The following PACSIN1 variants were observed in gnomAD, a reference collection of about 807,000 sequenced individuals.
PACSIN1 encodes protein kinase C and casein kinase substrate in neurons protein 1.
Under a neutral mutation model 59.5 loss-of-function variants are expected in PACSIN1, and 15 were observed. That is an observed-to-expected ratio of 0.25 (90% CI 0.17 to 0.39). The LOEUF (loss-of-function observed/expected upper bound fraction) is 0.39. PACSIN1 is among the 10% of genes least tolerant of loss of function. The pLI is 1.00. For missense variants in PACSIN1, 420 were observed against 580.2 expected (o/e 0.72, Z 2.84); for synonymous variants, 210 against 220.6 (o/e 0.95, Z 0.42).
Position 34,504,280 on chromosome 6 carries a change from ATATATATATAT to A in PACSIN1, c.-63-21961_-63-21951del, listed in dbSNP as rs1305932525. Among the ~76,000 whole-genome samples the A allele has an allele frequency of 1.2e-4, 10 of 84,006 alleles. No individual in the cohort carries two copies. In the South Asian group the frequency reaches 1.6e-3, roughly 13 times the overall value. The allele number at this position is 84,006 out of a possible 152,430, so 55.1% of individuals were successfully genotyped here. On this transcript the variant is annotated intron_variant, in intron 1 of 9. Coordinates refer to ENST00000244458, the MANE Select transcript of PACSIN1 (RefSeq NM_020804.5). ...TGTGTGTGTGTGTGTGTATATATAT[ATATATATATAT>A]TTTTTTTTTTTTTTTTTTAAACGGA... is the stretch of plus-strand genomic sequence containing the variant.
chr6:34,474,662 C>T (rs534853922), intron 1 of PACSIN1, among the ~76,000 whole-genome samples: 1 of 151,964 alleles, frequency 6.6e-6, no homozygotes, highest in East Asian at 1.9e-4. Flanking sequence ...TGATGGCACA[C>T]ACCTGTAGTC....
chr6:34,520,256 C>T lies in PACSIN1; in HGVS notation c.-63-5987C>T, dbSNP rs3800467. Among the ~76,000 whole-genome samples the T allele has an allele frequency of 7.9e-5, 12 of 152,328 alleles. No homozygotes were observed. In the East Asian group the frequency reaches 2.3e-3, roughly 29 times the overall value. ...TCCCTGTGTGGCCCCAAGCCAGGCG[C>T]TGTGAGCCTGTCGGTCTATCTCTGG... On this transcript the variant is annotated intron_variant, in intron 1 of 9. Transcript: ENST00000244458.
rs1331529275 is a variant in PACSIN1 at position 34,531,891 on chromosome 6, G to A, written c.1225+104G>A. ...GAGAGAGAAGCTTGGGTCTGGATTG[G>A]GTGTGTGGTGGTGCAGGGGCGGTGC... On this transcript the variant is annotated intron_variant, in intron 9 of 9. Coordinates refer to ENST00000244458, the MANE Select transcript of PACSIN1 (RefSeq NM_020804.5). This position sits in a 1 kb window ranked among gnomAD's most constrained non-coding sequence, Gnocchi z 4.4. 5.5e-6 allele frequency: 6 copies of A among 1,085,812 alleles called. No homozygotes were observed. The highest frequency in any genetic ancestry group is 7.9e-6 in the Non-Finnish European group (6 of 759,510). The allele number at this position is 1,085,812 out of a possible 1,614,324, so 67.3% of individuals were successfully genotyped here. A position where few individuals can be genotyped will look rare whatever the true frequency, so the allele number is the denominator to read the frequency against.
rs1230795707 is a variant in PACSIN1, at chr6:34,521,618, C to T, written c.-63-4625C>T. 6.6e-6 allele frequency among the ~76,000 whole-genome samples: 1 copy of T among 152,198 alleles called. No homozygotes were observed. The highest frequency in any genetic ancestry group is 2.4e-5 in the African/African-American group (1 of 41,448). ...CACCCCCCAGTCTGCACTTCACAGG[C>T]TGCATCATCCTCATGGACAAGAAAG... is the stretch of plus-strand genomic sequence containing the variant. On this transcript the variant is annotated intron_variant, in intron 1 of 9. Transcript: ENST00000244458. The surrounding 1 kb of genome is among the most constrained non-coding windows in gnomAD (Gnocchi z 4.3).
intron 1 of PACSIN1, among the ~76,000 whole-genome samples, chr6:34,504,308 TTA>T: frequency 1.7e-5 from 2 of 117,924 alleles, no homozygotes; most frequent in Non-Finnish European, 3.5e-5. Flanking sequence ...TTTTTTTTTT[TTA>T]AACGGAGTTT....
intron 1 of PACSIN1, among the ~76,000 whole-genome samples, chr6:34,503,850 T>C (rs1767064557): frequency 6.6e-6 from 1 of 152,190 alleles, no homozygotes; most frequent in African/African-American, 2.4e-5. Flanking sequence ...GCCACCCGGA[T>C]CAGAATAGAA....
chr6:34,490,777 C>G (rs1219541501), intron 1 of PACSIN1, among the ~76,000 whole-genome samples: 2 of 150,696 alleles, frequency 1.3e-5, no homozygotes, highest in African/African-American at 5.0e-5. Flanking sequence ...CCAAGCATGC[C>G]CCCCTTCTCC....
intron 1 of PACSIN1, among the ~76,000 whole-genome samples, chr6:34,494,026 A>G (rs560713313): frequency 3.9e-4 from 59 of 152,352 alleles, no homozygotes; most frequent in Non-Finnish European, 6.9e-4. Flanking sequence ...TATCAGCTCT[A>G]TTTGACAGAA....
At chr6:34,513,954 A>G (rs985110949) in intron 1 of PACSIN1, among the ~76,000 whole-genome samples, 4 of 152,096 alleles carry the variant, frequency 2.6e-5, no homozygotes, top group African/African-American at 9.7e-5. Flanking sequence ...TGTGTGCCGC[A>G]CTGAGTTTGT....
intron 1 of PACSIN1, among the ~76,000 whole-genome samples, chr6:34,494,187 G>A (rs548514226): frequency 1.8e-3 from 279 of 152,218 alleles, no homozygotes; most frequent in African/African-American, 6.2e-3. Flanking sequence ...CCTTTAGAAA[G>A]CAACTCAGGC....
intron 1 of PACSIN1, among the ~76,000 whole-genome samples, chr6:34,501,782 G>C (rs953361507): frequency 2.0e-5 from 3 of 152,116 alleles, no homozygotes; most frequent in African/African-American, 7.2e-5. Context: ...CTGTAATCCA[G>C]CACTTTGGGA....
Position 34,508,761 on chromosome 6 carries a change from T to G in PACSIN1, c.-63-17482T>G, listed in dbSNP as rs558687243. Among the ~76,000 whole-genome samples, 201 of 152,350 alleles carry G rather than the reference T, an allele frequency of 1.3e-3. 3 individuals are homozygous for G. The highest frequency in any genetic ancestry group is 2.0e-3 in the Non-Finnish European group (139 of 68,030). On this transcript the variant is annotated intron_variant, in intron 1 of 9. Coordinates refer to ENST00000244458, the MANE Select transcript of PACSIN1 (RefSeq NM_020804.5). The stretch of plus-strand genomic sequence containing the variant: ...TCTCATTGTGGTTTTGATTTGCCTT[T>G]CCACAATGATTAGTGATGTTGAGCA...
intron 1 of PACSIN1, among the ~76,000 whole-genome samples, chr6:34,522,942 A>T (rs1767420043): frequency 6.6e-6 from 1 of 152,158 alleles, no homozygotes; most frequent in Non-Finnish European, 1.5e-5. Context: ...GTGCCCGCCC[A>T]CATTGCATGA....
chr6:34,480,954 A>G (rs1360695635), intron 1 of PACSIN1, among the ~76,000 whole-genome samples: 1 of 143,380 alleles, frequency 7.0e-6, no homozygotes, highest in Non-Finnish European at 1.5e-5. Context: ...ATCATTATGG[A>G]TTTTTATAAA....
rs1767331164 is a variant in PACSIN1 at position 34,518,448 on chromosome 6, C to T, written c.-63-7795C>T. Among the ~76,000 whole-genome samples the T allele has an allele frequency of 6.6e-6, 1 of 152,214 alleles. No individual in the cohort carries two copies. Among genetic ancestry groups the T allele is most frequent in the South Asian group, 2.1e-4 (1 of 4,824 alleles). On this transcript the variant is annotated intron_variant, in intron 1 of 9. Coordinates refer to ENST00000244458, the MANE Select transcript of PACSIN1 (RefSeq NM_020804.5). This position sits in a 1 kb window ranked among gnomAD's most constrained non-coding sequence, Gnocchi z 4.4. ...GGGGGCCCTGCCTTCCCAACAAGCT[C>T]CTGTCTCTGCCTCCCCATCTGTGGG... is the stretch of plus-strand genomic sequence containing the variant.
At chr6:34,527,187 G>T (rs2282250) in intron 2 of PACSIN1, 145 bp from the exon 3 acceptor site, 1 of 832,974 alleles carries the variant, frequency 1.2e-6, no homozygotes. Flanking sequence ...GCCGCGGGGC[G>T]GGGGGCGGGG....
Position 34,530,214 on chromosome 6 carries a change from C to A in PACSIN1, c.789-29C>A, listed in dbSNP as rs372213909. The A allele has an allele frequency of 6.3e-7, 1 of 1,590,614 alleles. No homozygotes were observed. The highest frequency in any genetic ancestry group is 8.6e-7 in the Non-Finnish European group (1 of 1,164,510). ...GGAGGGGCCATGTTGAATCTGTGCC[C>A]TCCACCTCCCCCATCTCCCTGAGCA... On this transcript the variant is annotated intron_variant, in intron 6 of 9. Coordinates refer to ENST00000244458, the MANE Select transcript of PACSIN1 (RefSeq NM_020804.5). The surrounding 1 kb of genome is among the most constrained non-coding windows in gnomAD (Gnocchi z 4.4).
At chr6:34,507,676 GC>G (rs1767135642) in intron 1 of PACSIN1, among the ~76,000 whole-genome samples, 1 of 152,094 alleles carries the variant, frequency 6.6e-6, no homozygotes, top group African/African-American at 2.4e-5. Context: ...CAAAGATGAA[GC>G]TTTATACCCA....
At chr6:34,504,270 GTATATATA>G (rs869143444) in intron 1 of PACSIN1, among the ~76,000 whole-genome samples, 4 of 134,382 alleles carry the variant, frequency 3.0e-5, no homozygotes, top group African/African-American at 1.1e-4. Context: ...GTGTGTGTGT[GTATATATA>G]TATATATATA....
Sources: gnomAD v4.1 joint callset for allele counts (sites outside exome capture counted in the v4.1 genomes callset) on GRCh38, gnomAD v4.1.1 for gene constraint, Gnocchi (gnomAD v3.1) non-coding constraint, MANE v1.5 for transcripts, NCBI Gene and HGNC (gene_info 2026-07-23, HGNC 2026-07-21) for gene names.